ZNF680: variants seen among roughly 807,000 people sequenced by gnomAD.
ZNF680 encodes zinc finger protein 680.
ZNF680 carries 6 observed loss-of-function variants against 12.1 expected under a neutral mutation model. The ratio of observed to expected loss-of-function variants is 0.49; its 90% CI spans 0.27 to 0.98. The LOEUF is 0.98. Ranked by LOEUF, ZNF680 falls within the 50% of genes least tolerant of loss-of-function variation. The probability of loss-of-function intolerance (pLI) is 0.12; values close to 1 mark genes in which losing one functional copy is unlikely to be tolerated. For missense variants in ZNF680, 561 were observed against 616.3 expected (o/e 0.91, Z 0.95); for synonymous variants, 170 against 199.3 (o/e 0.85, Z 1.24).
At chr7:64,530,538 T>C (rs2116417203) in intron 3 of ZNF680, among the ~76,000 whole-genome samples, 1 of 152,230 alleles carries the variant, frequency 6.6e-6, no homozygotes, top group African/African-American at 2.4e-5. Context: ...AAACAAACTT[T>C]AAAGCAGCTG....
downstream of ZNF680, among the ~76,000 whole-genome samples, chr7:64,518,674 C>A (rs372223162): frequency 1.8e-4 from 27 of 151,684 alleles, no homozygotes; most frequent in African/African-American, 6.3e-4. Flanking sequence ...AATAGAGAAC[C>A]CAGAAATAAA....
chr7:64,501,321 A>T, the ZNF680 span: 2 of 1,203,172 alleles, frequency 1.7e-6, no homozygotes, highest in African/African-American at 3.0e-5. Context: ...ACACCTCATG[A>T]AGGGGCAAAA....
chr7:64,539,226 T>C (rs562353760), intron 3 of ZNF680, among the ~76,000 whole-genome samples: 1 of 149,966 alleles, frequency 6.7e-6, no homozygotes, highest in South Asian at 2.1e-4. Flanking sequence ...AATGGAATAT[T>C]ATTCAGCCTT....
intron 3 of ZNF680, among the ~76,000 whole-genome samples, chr7:64,526,814 T>C (rs1791876740): frequency 1.3e-5 from 2 of 152,238 alleles, no homozygotes; most frequent in Non-Finnish European, 2.9e-5. Flanking sequence ...GAAGTTGTTA[T>C]GAAATTAAAA....
chr7:64,543,891 C>CT, intron 2 of ZNF680, 89 bp from the exon 3 acceptor site: 3 of 1,058,578 alleles, frequency 2.8e-6, no homozygotes, highest in Non-Finnish European at 4.2e-6. Context: ...AATGTCATAG[C>CT]ATATTCTAGT....
rs56143486 is a variant in ZNF680 at position 64,534,506 on chromosome 7, A to T, written c.253+9201T>A. Among the ~76,000 whole-genome samples, 1,494 of 152,308 alleles carry T rather than the reference A, an allele frequency of 9.8e-3. 26 individuals carry two copies. Among genetic ancestry groups the T allele is most frequent in the African/African-American group, 0.034 (1,429 of 41,574 alleles). On this transcript the variant is annotated intron_variant, in intron 3 of 3. Coordinates refer to ENST00000309683, the MANE Select transcript of ZNF680 (RefSeq NM_178558.5). Reference sequence around the variant, plus strand: ...AGAATGATCATATCAAAAAATCGTAAAACAGTAGATGCTGGCACAGATGCG... The same window carrying T: ...AGAATGATCATATCAAAAAATCGTATAACAGTAGATGCTGGCACAGATGCG...
chr7:64,527,620 G>A (rs1271985272), intron 3 of ZNF680, among the ~76,000 whole-genome samples: 1 of 151,756 alleles, frequency 6.6e-6, no homozygotes, highest in African/African-American at 2.4e-5. Context: ...ACTTGAACCC[G>A]GGAGGCAGAG....
chr7:64,552,469 A>G (rs1787132943), intron 1 of ZNF680, among the ~76,000 whole-genome samples: 2 of 152,204 alleles, frequency 1.3e-5, no homozygotes, highest in South Asian at 4.1e-4. Context: ...TGGTCACATC[A>G]TTTGTGTTTA....
chr7:64,503,742 T>G, the ZNF680 span, among the ~76,000 whole-genome samples: 17 of 152,198 alleles, frequency 1.1e-4, no homozygotes, highest in African/African-American at 4.1e-4. Context: ...CTTCTTTCAT[T>G]TTCTATCTGC....
chr7:64,530,751 C>T (rs1166379403), intron 3 of ZNF680, among the ~76,000 whole-genome samples: 1 of 151,414 alleles, frequency 6.6e-6, no homozygotes, highest in Non-Finnish European at 1.5e-5. Flanking sequence ...CCCAGCTACT[C>T]GGGAGGCTGA....
chr7:64,543,738 C>T lies in ZNF680; in HGVS notation c.222G>A (p.Arg74=), dbSNP rs1786629842. 1 of 1,613,674 alleles carries T rather than the reference C, an allele frequency of 6.2e-7. No individual in the cohort carries two copies. Among genetic ancestry groups the T allele is most frequent in the East Asian group, 2.2e-5 (1 of 44,816 alleles). Reference sequence around the variant, plus strand: ...GTTTGGCTACCATCTCCTGTCTCTTCCTATTCCAGGGCTCTTTTCCTTGCT... The same window carrying T: ...GTTTGGCTACCATCTCCTGTCTCTTTCTATTCCAGGGCTCTTTTCCTTGCT... ...CLEQGKEPWN[R]KRQEMVAKPP... is the part of the protein sequence containing the mutation. Residue 74 remains arginine (R), a synonymous_variant, in exon 3 of 4, where the codon AGG becomes AGA. Transcript: ENST00000309683.
intron 1 of ZNF680, among the ~76,000 whole-genome samples, chr7:64,554,287 G>T (rs1787271098): frequency 6.6e-6 from 1 of 151,916 alleles, no homozygotes; most frequent in Non-Finnish European, 1.5e-5. Context: ...AACCCGTCTG[G>T]GAAGTGAGGA....
At position 64,538,029 on chromosome 7, in the gene ZNF680, CAT is replaced by C. The variant is rs571835513; in HGVS notation, c.253+5676_253+5677del. On this transcript the variant is annotated intron_variant, in intron 3 of 3. Transcript: ENST00000309683. ...ATCTTTCACTAAGTCACCATTAACACATGATAGAGAAAAGATAATCTTTTCAA... is the reference window on the plus strand; with the variant it reads ...ATCTTTCACTAAGTCACCATTAACACGATAGAGAAAAGATAATCTTTTCAA... 1.8e-3 allele frequency among the ~76,000 whole-genome samples: 271 copies of C among 152,154 alleles called. 2 individuals are homozygous for C. The highest frequency in any genetic ancestry group is 6.2e-3 in the African/African-American group (259 of 41,516).
rs1358030286 is a variant in ZNF680, at chr7:64,521,253, G to A, written c.1501C>T (p.Arg501Trp). The change falls in exon 4 of 4, where the codon CGG (arginine) becomes TGG (tryptophan). Residue 501 changes from arginine (R) to tryptophan (W), a missense_variant. Arg to Trp is a moderately radical substitution (Grantham distance 101, BLOSUM62 -3). Coordinates refer to ENST00000309683, the MANE Select transcript of ZNF680 (RefSeq NM_178558.5). Reference protein sequence around the residue: ...KCEECGKAFNRSSHLTRHKKI... With the variant: ...KCEECGKAFNWSSHLTRHKKI... Reference sequence around the variant, plus strand: ...TTATGTCTAGTAAGGTGTGAGGACCGGTTAAAAGCTTTGCCACATTCTTCA... The same window carrying A: ...TTATGTCTAGTAAGGTGTGAGGACCAGTTAAAAGCTTTGCCACATTCTTCA... The A allele has an allele frequency of 1.8e-5, 29 of 1,613,512 alleles. No individual in the cohort carries two copies. The highest frequency in any genetic ancestry group is 2.4e-5 in the Non-Finnish European group (28 of 1,179,626).
intron 1 of ZNF680, among the ~76,000 whole-genome samples, chr7:64,547,319 A>G (rs1159275235): frequency 6.6e-6 from 1 of 152,222 alleles, no homozygotes; most frequent in Non-Finnish European, 1.5e-5. Flanking sequence ...CTCTTGTCAC[A>G]ACACAAATAA....
chr7:64,548,821 C>T (rs1335106997), intron 1 of ZNF680, among the ~76,000 whole-genome samples: 1 of 151,810 alleles, frequency 6.6e-6, no homozygotes, highest in Non-Finnish European at 1.5e-5. Flanking sequence ...TCAGGGTGAT[C>T]CTATATAAAA....
chr7:64,532,050 A>G (rs540493620), intron 3 of ZNF680, among the ~76,000 whole-genome samples: 1 of 152,360 alleles, frequency 6.6e-6, no homozygotes, highest in South Asian at 2.1e-4. Flanking sequence ...TCACGCCTGT[A>G]ATCCCAGTAC....
chr7:64,514,453 A>C, the ZNF680 span, among the ~76,000 whole-genome samples: 1 of 152,186 alleles, frequency 6.6e-6, no homozygotes, highest in African/African-American at 2.4e-5. Flanking sequence ...TTGTTATTTT[A>C]ATTTTCTTCA....
the ZNF680 span, among the ~76,000 whole-genome samples, chr7:64,503,839 A>AC: frequency 2.6e-5 from 4 of 152,162 alleles, no homozygotes; most frequent in Non-Finnish European, 4.4e-5. Context: ...TCCACTCACT[A>AC]CTAGTCAATG....
Sources: gnomAD v4.1 joint callset for allele counts (sites outside exome capture counted in the v4.1 genomes callset) on GRCh38, gnomAD v4.1.1 for gene constraint, MANE v1.5 for transcripts, NCBI Gene and HGNC (gene_info 2026-07-23, HGNC 2026-07-21) for gene names.